NEB: variants seen among roughly 807,000 people sequenced by gnomAD.
NEB encodes the protein nemaline myopathy type 2.
NEB carries 512 observed loss-of-function variants against 952.2 expected under a neutral mutation model. That is an observed-to-expected ratio of 0.54 (90% CI 0.50 to 0.58). NEB has a LOEUF of 0.58. Among genes scored for constraint, NEB ranks in the 20% least tolerant of loss-of-function variants. The pLI, the probability that NEB is intolerant of heterozygous loss-of-function variation, is 0.00. For missense variants in NEB, 8,428 were observed against 9,231.1 expected, an observed-to-expected ratio of 0.91 and a Z score of 3.56; for synonymous variants, 2,900 against 3,149.8, an observed-to-expected ratio of 0.92 and a Z score of 2.66.
chr2:151,601,429 A>G (rs2097533350), intron 88 of NEB, among the ~76,000 whole-genome samples: 1 of 136,644 alleles, frequency 7.3e-6, no homozygotes, highest in Admixed American at 7.2e-5. Flanking sequence ...TTTTAATTAT[A>G]AACTTATTTT....
chr2:151,559,175 C>T (rs1210092594), intron 124 of NEB, among the ~76,000 whole-genome samples: 3 of 152,040 alleles, frequency 2.0e-5, no homozygotes. Flanking sequence ...ATGCGGCCAA[C>T]AAATATATGA....
chr2:151,578,686 G>GGAGGGAAGGAGGGAAGGAAA (rs2096977647), intron 105 of NEB, among the ~76,000 whole-genome samples: 2 of 148,752 alleles, frequency 1.3e-5, no homozygotes, highest in African/African-American at 5.0e-5. Flanking sequence ...AGGGAAGGAA[G>GGAGGGAAGGAGGGAAGGAAA]GAAGGAAGGA....
chr2:151,530,189 G>T (rs560773553), intron 145 of NEB, among the ~76,000 whole-genome samples: 2 of 152,178 alleles, frequency 1.3e-5, no homozygotes, highest in South Asian at 4.1e-4. Context: ...CAATCATTCT[G>T]CCTTTTAAAA....
intron 67 of NEB, among the ~76,000 whole-genome samples, chr2:151,630,498 T>A (rs1422308054): frequency 6.6e-6 from 1 of 152,198 alleles, no homozygotes; most frequent in African/African-American, 2.4e-5. Flanking sequence ...TCCCACTGAC[T>A]CACTGGAAAT....
chr2:151,512,639 G>T, intron 161 of NEB, 94 bp downstream of exon 161: 2 of 933,788 alleles, frequency 2.1e-6, no homozygotes, highest in South Asian at 1.4e-5. Flanking sequence ...GGGAAAAACT[G>T]ATCTGAAGAA....
intron 161 of NEB, among the ~76,000 whole-genome samples, chr2:151,510,566 T>G (rs1006189457): frequency 8.5e-5 from 13 of 152,234 alleles, no homozygotes; most frequent in Non-Finnish European, 1.8e-4. Flanking sequence ...AAGAGTACAT[T>G]ACAATAAGAT....
At chr2:151,509,786 A>G (rs1300087588) in intron 161 of NEB, among the ~76,000 whole-genome samples, 1 of 152,026 alleles carries the variant, frequency 6.6e-6, no homozygotes, top group Non-Finnish European at 1.5e-5. Context: ...CACCACCACA[A>G]CCAGCTAATG....
At chr2:151,605,595 G>A (rs2097671770) in intron 84 of NEB, among the ~76,000 whole-genome samples, 1 of 127,322 alleles carries the variant, frequency 7.9e-6, no homozygotes, top group Non-Finnish European at 1.8e-5. Context: ...GACAACATAG[G>A]CAAGTTTGAA....
At chr2:151,682,827 T>C (rs2099430675) in intron 28 of NEB, 58 bp from the exon 29 acceptor site, 1 of 1,427,004 alleles carries the variant, frequency 7.0e-7, no homozygotes, top group Non-Finnish European at 9.7e-7. Flanking sequence ...TTATGTAAAA[T>C]CATCAAAGTT....
intron 121 of NEB, 90 bp from the exon 122 acceptor site, chr2:151,561,402 T>C: frequency 1.2e-6 from 1 of 834,984 alleles, no homozygotes; most frequent in Non-Finnish European, 2.0e-6. Context: ...TGTGCCTTTA[T>C]TTCTGGATTT....
chr2:151,614,314 C>T lies in NEB; in HGVS notation c.11563G>A (p.Val3855Ile), dbSNP rs542092706. The part of the protein sequence containing the change: ...EWTCLPDQND[V>I]IQARKAYDLQ... ...TCATAGGCCTTCCGAGCCTGAATGA[C>T]GTCATTCTGATCAGGCAGGCAGGTC... The change falls in exon 77 of 182, where the codon GTC (valine) becomes ATC (isoleucine). Residue 3855 changes from valine to isoleucine, a missense_variant. Physicochemically the swap from Val to Ile is conservative, Grantham distance 29. Coordinates refer to ENST00000397345, the MANE Select transcript of NEB (RefSeq NM_001164508.2). The T allele has an allele frequency of 5.3e-5, 85 of 1,613,880 alleles. 1 individual carries two copies. The South Asian group carries it at 6.1e-4, about 12-fold the overall frequency.
At position 151,545,969 on chromosome 2, in the gene NEB, C is replaced by T. The variant is rs1204284585; in HGVS notation, c.20496G>A (p.Arg6832=). ...CCACTTTGTATTTGTCTCGCATCTT[C>T]CTTGCCTTATCAGTGTATAGGTAAT... The part of the protein sequence containing the change: ...WSNYLYTDKA[R]KMRDKYKVVL... Residue 6832 remains arginine, a synonymous_variant, in exon 135 of 182, where the codon AGG becomes AGA. Coordinates refer to ENST00000397345, the MANE Select transcript of NEB (RefSeq NM_001164508.2). 10 of 1,587,796 alleles carry T rather than the reference C, an allele frequency of 6.3e-6. No homozygotes were observed. Among genetic ancestry groups the T allele is most frequent in the Non-Finnish European group, 8.6e-6 (10 of 1,160,814 alleles).
At chr2:151,626,445 C>T (rs72863267) in intron 70 of NEB, among the ~76,000 whole-genome samples, 43 of 151,920 alleles carry the variant, frequency 2.8e-4, no homozygotes, top group South Asian at 8.3e-4. Flanking sequence ...CTGTGCTTAC[C>T]TAAATAAGTA....
At chr2:151,708,472 C>A (rs557658030) in intron 12 of NEB, among the ~76,000 whole-genome samples, 1 of 152,230 alleles carries the variant, frequency 6.6e-6, no homozygotes, top group East Asian at 1.9e-4. Flanking sequence ...TGCTTCCCAA[C>A]GCATTGCCCT....
At chr2:151,559,729 G>A (rs998558196) in intron 124 of NEB, among the ~76,000 whole-genome samples, 1 of 152,166 alleles carries the variant, frequency 6.6e-6, no homozygotes. Context: ...TCGTAAGTGG[G>A]GGTTGAACAG....
intron 3 of NEB, among the ~76,000 whole-genome samples, chr2:151,730,143 A>C (rs549723235): frequency 6.6e-6 from 1 of 152,282 alleles, no homozygotes; most frequent in South Asian, 2.1e-4. Flanking sequence ...TAAGATCCCA[A>C]GGTATATCCA....
chr2:151,612,088 C>T, intron 78 of NEB, 98 bp downstream of exon 78: 2 of 1,320,544 alleles, frequency 1.5e-6, no homozygotes, highest in Non-Finnish European at 2.1e-6. Context: ...AGGCCTATGA[C>T]ACCTCCTTTC....
In NEB at chr2:151,639,996, T is replaced by C. The variant is rs777118594; in HGVS notation, c.8750A>G (p.Asp2917Gly). The change falls in exon 62 of 182, where the codon GAT becomes GGT. Residue 2917 changes from aspartate (D) to glycine (G), a missense_variant. By Grantham distance (94) the Asp-to-Gly change is moderately conservative. Around this residue, in one of 11 missense-constraint regions of NEB, gnomAD observed 1,772 missense variants for 1,960.3 expected, o/e 0.90. Coordinates refer to ENST00000397345, the MANE Select transcript of NEB (RefSeq NM_001164508.2). ...GIGWVSIGSL[D>G]VEKCKRATEI... ...AGTTGCCCTTTTGCATTTTTCCACA[T>C]CCAAAGAGCCAATGGACACCCAGCC... The C allele has an allele frequency of 1.2e-6, 2 of 1,613,842 alleles. No individual in the cohort carries two copies. The highest frequency in any genetic ancestry group is 1.3e-5 in the African/African-American group (1 of 74,912).
chr2:151,563,574 C>T (rs1332119953), intron 119 of NEB, 32 bp downstream of exon 119: 5 of 1,571,722 alleles, frequency 3.2e-6, no homozygotes, highest in Non-Finnish European at 4.4e-6. Context: ...TTATGGGGCA[C>T]AAATCCCGTG....
Sources: allele counts gnomAD v4.1 joint callset (sites outside exome capture counted in the v4.1 genomes callset), GRCh38; gene constraint gnomAD v4.1.1; regional missense constraint gnomAD v4.1.1; transcripts MANE v1.5; gene names NCBI Gene and HGNC (gene_info 2026-07-23, HGNC 2026-07-21).